Variants in SMAP1 observed in about 807,000 individuals in gnomAD.
The protein encoded by SMAP1 is stromal membrane-associated protein 1.
Under a neutral mutation model 58.5 loss-of-function variants are expected in SMAP1, and 24 were observed. That is an observed-to-expected ratio of 0.41 (90% confidence interval 0.30 to 0.58). SMAP1 has a LOEUF of 0.58. SMAP1 is among the 20% of genes least tolerant of loss of function. SMAP1 has a pLI of 0.29. For missense variants in SMAP1, 563 were observed against 566.3 expected, an observed-to-expected ratio of 0.99 and a Z score of 0.06; for synonymous variants, 216 against 196.6, an observed-to-expected ratio of 1.10 and a Z score of -0.82.
intron 4 of SMAP1, among the ~76,000 whole-genome samples, chr6:70,790,255 C>T (rs534622183): frequency 6.6e-6 from 1 of 152,298 alleles, no homozygotes; most frequent in South Asian, 2.1e-4. Context: ...ATTCTCCTGC[C>T]TCAGCCTTCC....
intron 2 of SMAP1, among the ~76,000 whole-genome samples, chr6:70,746,347 A>G (rs1401057696): frequency 6.6e-6 from 1 of 152,178 alleles, no homozygotes; most frequent in Non-Finnish European, 1.5e-5. Context: ...GATACATTCC[A>G]TCAATACCTA....
At chr6:70,725,091 G>GTTTTTTT (rs1562116511) in intron 1 of SMAP1, among the ~76,000 whole-genome samples, 1 of 80,506 alleles carries the variant, frequency 1.2e-5, no homozygotes, top group Admixed American at 1.7e-4. Flanking sequence ...AAATTAACCA[G>GTTTTTTT]TGTTTTTTTT....
rs757101881 is a variant in SMAP1 at position 70,860,355 on chromosome 6, TC to T, written c.*23del. ...AATGAAAACTGCAATACAAGTTTCATCCAGAACTACCACCTGACATTCCTTG... is the reference window on the plus strand; with the variant it reads ...AATGAAAACTGCAATACAAGTTTCATCAGAACTACCACCTGACATTCCTTG... On this transcript the variant is annotated 3_prime_UTR_variant, in exon 11 of 11. Transcript: ENST00000370455. 1.3e-6 allele frequency: 2 copies of T among 1,596,102 alleles called. No homozygotes were observed. Among genetic ancestry groups the T allele is most frequent in the South Asian group, 2.3e-5 (2 of 87,620 alleles).
chr6:70,718,760 CAGTG>C (rs1473455979), intron 1 of SMAP1, among the ~76,000 whole-genome samples: 1 of 136,354 alleles, frequency 7.3e-6, no homozygotes, highest in East Asian at 2.1e-4. Flanking sequence ...GTAGAGGTTG[CAGTG>C]AGCTGAGATT....
intron 2 of SMAP1, among the ~76,000 whole-genome samples, chr6:70,742,012 GGGCCCT>G (rs1765833879): frequency 6.6e-6 from 1 of 152,152 alleles, no homozygotes; most frequent in African/African-American, 2.4e-5. Context: ...ACACAGCAGG[GGGCCCT>G]GGCCCTGGCC....
At chr6:70,847,396 C>A (rs1351696084) in intron 7 of SMAP1, among the ~76,000 whole-genome samples, 1 of 152,118 alleles carries the variant, frequency 6.6e-6, no homozygotes, top group South Asian at 2.1e-4. Flanking sequence ...CTTTTCCTGT[C>A]GGTTTCTCAT....
intron 3 of SMAP1, among the ~76,000 whole-genome samples, chr6:70,772,240 A>G (rs1767358740): frequency 6.6e-6 from 1 of 152,102 alleles, no homozygotes; most frequent in Non-Finnish European, 1.5e-5. Flanking sequence ...TTATTCTGGG[A>G]CGTGTTGTGT....
At chr6:70,776,831 T>C (rs569718331) in intron 4 of SMAP1, among the ~76,000 whole-genome samples, 1 of 152,340 alleles carries the variant, frequency 6.6e-6, no homozygotes, top group East Asian at 1.9e-4. Flanking sequence ...TTCATTCTTT[T>C]TATGGCTGAA....
intron 6 of SMAP1, among the ~76,000 whole-genome samples, chr6:70,820,733 G>T (rs1311270154): frequency 1.3e-5 from 2 of 151,008 alleles, no homozygotes; most frequent in Non-Finnish European, 3.0e-5. Context: ...AAACTTTATT[G>T]TTCAAGATAA....
At chr6:70,836,840 T>C (rs1770608948) in intron 6 of SMAP1, 101 bp from the exon 7 acceptor site, 3 of 931,110 alleles carry the variant, frequency 3.2e-6, no homozygotes, top group Admixed American at 3.2e-5. Flanking sequence ...TTTCATATTT[T>C]TTTTACACTA....
At chr6:70,739,104 T>G (rs1765721781) in intron 2 of SMAP1, among the ~76,000 whole-genome samples, 1 of 152,174 alleles carries the variant, frequency 6.6e-6, no homozygotes, top group South Asian at 2.1e-4. Context: ...AATTTAAATT[T>G]TACATGAGAT....
At chr6:70,834,691 C>T (rs1175589987) in intron 6 of SMAP1, among the ~76,000 whole-genome samples, 1 of 152,156 alleles carries the variant, frequency 6.6e-6, no homozygotes, top group African/African-American at 2.4e-5. Context: ...TTTGCATGCT[C>T]GTGGCCACAC....
chr6:70,668,039 T>G lies in SMAP1; in HGVS notation c.16T>G (p.Cys6Gly), dbSNP rs764027858. Residue 6 changes from cysteine to glycine, a missense_variant, in exon 1 of 11, where the codon TGT becomes GGT. Coordinates refer to ENST00000370455, the MANE Select transcript of SMAP1 (RefSeq NM_001044305.3). ...CGCTGCCGAGATGGCGACGCGCTCC[T>G]GTCGGGAGAAGGCTCAGAAGCTGAA... MATRS[C>G]REKAQKLNEQ... 4 of 1,600,698 alleles carry G rather than the reference T, an allele frequency of 2.5e-6. No homozygotes were observed. Among genetic ancestry groups the G allele is most frequent in the East Asian group, 2.3e-5 (1 of 43,488 alleles).
At chr6:70,837,243 A>G (rs1235044260) in intron 7 of SMAP1, among the ~76,000 whole-genome samples, 1 of 152,170 alleles carries the variant, frequency 6.6e-6, no homozygotes, top group Admixed American at 6.5e-5. Context: ...AATACAAGTA[A>G]TGAGTTCTTT....
intron 6 of SMAP1, among the ~76,000 whole-genome samples, chr6:70,827,462 C>T (rs1324839351): frequency 6.6e-6 from 1 of 152,152 alleles, no homozygotes; most frequent in Admixed American, 6.5e-5. Flanking sequence ...AGAAGGTCAG[C>T]TCCACAAATT....
intron 7 of SMAP1, among the ~76,000 whole-genome samples, chr6:70,838,114 C>T (rs1245522607): frequency 6.6e-6 from 1 of 151,724 alleles, no homozygotes; most frequent in East Asian, 1.9e-4. Flanking sequence ...TGTTTTATTT[C>T]CTTTACTGTA....
At chr6:70,835,498 A>C (rs114076569) in intron 6 of SMAP1, among the ~76,000 whole-genome samples, 1,524 of 152,122 alleles carry the variant, frequency 0.01, 22 homozygotes, top group African/African-American at 0.034. Flanking sequence ...TGTTTTCTTT[A>C]TTTATTTATT....
chr6:70,778,189 C>G (rs1767621980), intron 4 of SMAP1, among the ~76,000 whole-genome samples: 1 of 151,960 alleles, frequency 6.6e-6, no homozygotes, highest in South Asian at 2.1e-4. Context: ...GATATCTACC[C>G]CCTCAAGTGT....
Position 70,860,294 on chromosome 6 carries a change from G to C in SMAP1, c.1364G>C (p.Ser455Thr). Residue 455 changes from serine to threonine, a missense_variant, in exon 11 of 11, where the codon AGC becomes ACC. By Grantham distance (58) the Ser-to-Thr change is moderately conservative (BLOSUM62 1). This residue lies in a region of SMAP1 where 494 missense variants were observed against 473.8 expected (regional missense o/e 1.04). Transcript: ENST00000370455. Reference sequence around the variant, plus strand: ...AGCACAACAGCAGGATGGTCTGGAAGCTCATCAGGTCAGACTCTCAGCACA... The same window carrying C: ...AGCACAACAGCAGGATGGTCTGGAACCTCATCAGGTCAGACTCTCAGCACA... ...PSSTTAGWSG[S>T]SSGQTLSTQL... 6.2e-7 allele frequency: 1 copy of C among 1,613,674 alleles called. No individual in the cohort carries two copies. The highest frequency in any genetic ancestry group is 8.5e-7 in the Non-Finnish European group (1 of 1,179,808).
Sources: gnomAD v4.1 joint callset for allele counts (sites outside exome capture counted in the v4.1 genomes callset) on GRCh38, gnomAD v4.1.1 for gene constraint, gnomAD v4.1.1 regional missense constraint, MANE v1.5 for transcripts, NCBI Gene and HGNC (gene_info 2026-07-23, HGNC 2026-07-21) for gene names.